The following ITGA5 variants were observed in gnomAD, a reference collection of about 807,000 sequenced individuals.
The protein encoded by ITGA5 is integrin alpha-5.
ITGA5 carries 55 observed loss-of-function variants against 146.3 expected under a neutral mutation model. That is an observed-to-expected ratio of 0.38 (90% confidence interval 0.30 to 0.47). ITGA5 has a LOEUF of 0.47. Ranked by LOEUF, ITGA5 falls within the 20% of genes least tolerant of loss-of-function variation. The pLI is 0.99. For missense variants in ITGA5, 1,131 were observed against 1,329.0 expected (o/e 0.85, Z 2.32); for synonymous variants, 500 against 531.8 (o/e 0.94, Z 0.82).
In ITGA5 at chr12:54,408,910, T is replaced by C; in HGVS notation, c.628A>G (p.Ser210Gly). Residue 210 changes from serine (S) to glycine (G), a missense_variant, in exon 5 of 30, where the codon AGT becomes GGT. By Grantham distance (56) the Ser-to-Gly change is moderately conservative (BLOSUM62 0). This residue lies in a region of ITGA5 where 67 missense variants were observed against 128.2 expected (regional missense o/e 0.52). Transcript: ENST00000293379. ...TCTCTCACCTTGGTGAACTCGGCAC[T>C]GAAGCCTCCTTGGCAGTAACCCTGT... ...AGQGYCQGGF[S>G]AEFTKTGRVV... 1 of 1,614,100 alleles carries C rather than the reference T, an allele frequency of 6.2e-7. No individual in the cohort carries two copies. The highest frequency in any genetic ancestry group is 8.5e-7 in the Non-Finnish European group (1 of 1,180,004).
At chr12:54,397,855 A>G (rs1197457480) in intron 28 of ITGA5, among the ~76,000 whole-genome samples, 1 of 152,156 alleles carries the variant, frequency 6.6e-6, no homozygotes, top group East Asian at 1.9e-4. Flanking sequence ...TGAAGTTCCT[A>G]AAATGTACAA....
chr12:54,411,832 A>G lies in ITGA5; in HGVS notation c.349+2T>C. ...GTCCCTCCCTGAATTTCACTGGCCT[A>G]CCTTTGCTGTCAAATTCAATGGGGG... On this transcript the variant is annotated splice_donor_variant, in intron 2 of 29. Transcript: ENST00000293379. LOFTEE classifies it high-confidence loss of function. 1 of 1,499,766 alleles carries G rather than the reference A, an allele frequency of 6.7e-7. No individual in the cohort carries two copies. The highest frequency in any genetic ancestry group is 8.9e-7 in the Non-Finnish European group (1 of 1,118,016). The allele number at this position is 1,499,766 out of a possible 1,614,324, so 92.9% of individuals were successfully genotyped here.
chr12:54,415,456 G>A (rs552667624), intron 1 of ITGA5, among the ~76,000 whole-genome samples: 3 of 152,274 alleles, frequency 2.0e-5, no homozygotes, highest in South Asian at 2.1e-4. Context: ...TGCTCACCTC[G>A]TCCCATGTTC....
chr12:54,409,392 A>G lies in ITGA5; in HGVS notation c.463-40T>C. On this transcript the variant is annotated intron_variant, in intron 3 of 29. Coordinates refer to ENST00000293379, the MANE Select transcript of ITGA5 (RefSeq NM_002205.5). The surrounding 1 kb of genome is among the most constrained non-coding windows in gnomAD (Gnocchi z 4.7). ...GAGGAGGGGCCTTCAGATTCAGTCC[A>G]ATAAGGCCCTTCCTCCCTCCCTCCA... 6.2e-7 allele frequency: 1 copy of G among 1,608,940 alleles called. No individual in the cohort carries two copies. Among genetic ancestry groups the G allele is most frequent in the South Asian group, 1.1e-5 (1 of 90,618 alleles).
rs1955906135 is a variant in ITGA5, at chr12:54,409,066, G to C, written c.584-112C>G. ...AGAGAACCAGAGAAAGGGCCTTCCT[G>C]GACCAGACAGTAAGCATAAAGGCTA... is the stretch of plus-strand genomic sequence containing the variant. On this transcript the variant is annotated intron_variant, in intron 4 of 29. Transcript: ENST00000293379. This position sits in a 1 kb window ranked among gnomAD's most constrained non-coding sequence, Gnocchi z 4.7. 4 of 1,401,732 alleles carry C rather than the reference G, an allele frequency of 2.9e-6. No individual in the cohort carries two copies. The East Asian group carries it at 9.2e-5, about 32-fold the overall frequency. 86.8% of individuals were successfully genotyped at this position (1,401,732 alleles called of 1,614,324 possible).
chr12:54,405,942 A>T lies in ITGA5; in HGVS notation c.907-16T>A. ...GGATGGTGACCTGGGAGATGAAGAGATAGGCCCATTGGTCCTGGACTCCCA... is the reference window on the plus strand; with the variant it reads ...GGATGGTGACCTGGGAGATGAAGAGTTAGGCCCATTGGTCCTGGACTCCCA... On this transcript the variant is annotated splice_polypyrimidine_tract_variant and intron_variant, in intron 9 of 29. Coordinates refer to ENST00000293379, the MANE Select transcript of ITGA5 (RefSeq NM_002205.5). The T allele has an allele frequency of 1.2e-6, 2 of 1,611,518 alleles. No individual in the cohort carries two copies. The highest frequency in any genetic ancestry group is 1.7e-6 in the Non-Finnish European group (2 of 1,177,658).
chr12:54,412,325 T>C (rs1955956842), intron 1 of ITGA5: 1 of 171,380 alleles, frequency 5.8e-6, no homozygotes, highest in African/African-American at 2.4e-5. Flanking sequence ...TGAGATTAGA[T>C]GTATAGCTTC....
In ITGA5 at chr12:54,396,279, G is replaced by A; in HGVS notation, c.*14C>T. The A allele has an allele frequency of 6.2e-7, 1 of 1,604,244 alleles. No individual in the cohort carries two copies. The highest frequency in any genetic ancestry group is 2.2e-5 in the East Asian group (1 of 44,834). ...ACTGGTTCTTCAGGAATGGGAGTCT[G>A]AAATTGGGAGGACTCAGGCATCAGA... On this transcript the variant is annotated 3_prime_UTR_variant, in exon 30 of 30. Coordinates refer to ENST00000293379, the MANE Select transcript of ITGA5 (RefSeq NM_002205.5).
At chr12:54,407,921 C>G in intron 7 of ITGA5, 45 bp from the exon 8 acceptor site, 3 of 1,549,022 alleles carry the variant, frequency 1.9e-6, no homozygotes, top group Non-Finnish European at 2.6e-6. Context: ...GCTTTGAGGA[C>G]CCCTCTGCTC....
chr12:54,403,531 T>C lies in ITGA5; in HGVS notation c.1776+94A>G, dbSNP rs555441805. 643 of 1,434,180 alleles carry C rather than the reference T, an allele frequency of 4.5e-4. 4 individuals are homozygous for C. The highest frequency in any genetic ancestry group is 4.4e-3 in the Middle Eastern group (23 of 5,260). The allele number at this position is 1,434,180 out of a possible 1,614,324, so 88.8% of individuals were successfully genotyped here. Reference sequence around the variant, plus strand: ...CCTACAAGAGTCCCAAGCCCTTCACTGGAGTCCCCCAGTCTTTTTCCCTTC... The same window carrying C: ...CCTACAAGAGTCCCAAGCCCTTCACCGGAGTCCCCCAGTCTTTTTCCCTTC... On this transcript the variant is annotated intron_variant, in intron 17 of 29. Coordinates refer to ENST00000293379, the MANE Select transcript of ITGA5 (RefSeq NM_002205.5). This position sits in a 1 kb window ranked among gnomAD's most constrained non-coding sequence, Gnocchi z 4.9.
rs1176562529 is a variant in ITGA5 at position 54,403,472 on chromosome 12, A to C, written c.1777-148T>G. 12 of 1,272,360 alleles carry C rather than the reference A, an allele frequency of 9.4e-6. No homozygotes were observed. The highest frequency in any genetic ancestry group is 4.5e-5 in the African/African-American group (3 of 66,880). The allele number at this position is 1,272,360 out of a possible 1,614,324, so 78.8% of individuals were successfully genotyped here. On this transcript the variant is annotated intron_variant, in intron 17 of 29. Coordinates refer to ENST00000293379, the MANE Select transcript of ITGA5 (RefSeq NM_002205.5). The surrounding 1 kb of genome is among the most constrained non-coding windows in gnomAD (Gnocchi z 4.9). Reference sequence around the variant, plus strand: ...CAGAGGCCCTGGCAGCCTGCTTCCCAGCTCCTCTGACAGAAGGTCTCCCTT... The same window carrying C: ...CAGAGGCCCTGGCAGCCTGCTTCCCCGCTCCTCTGACAGAAGGTCTCCCTT...
At chr12:54,406,173 G>C in intron 9 of ITGA5, 1 of 574,138 alleles carries the variant, frequency 1.7e-6, no homozygotes, top group Non-Finnish European at 3.1e-6. Flanking sequence ...TTATCTGTTC[G>C]TTGTCCCTCT....
At position 54,411,969 on chromosome 12, in the gene ITGA5, G is replaced by T. The variant is rs1922254; in HGVS notation, c.219-5C>A. 1,415,670 of 1,573,432 alleles carry T rather than the reference G, an allele frequency of 0.9. 637,763 individuals carry two copies. The highest frequency in any genetic ancestry group is 0.92 in the East Asian group (39,262 of 42,668). Reference sequence around the variant, plus strand: ...GCTCCCACCAGCACACTGACCCTGTGGGGGGGAAAAGCGAGGCAGTTGAGG... The same window carrying T: ...GCTCCCACCAGCACACTGACCCTGTTGGGGGGAAAAGCGAGGCAGTTGAGG... On this transcript the variant is annotated splice_polypyrimidine_tract_variant and splice_region_variant and intron_variant, in intron 1 of 29. Coordinates refer to ENST00000293379, the MANE Select transcript of ITGA5 (RefSeq NM_002205.5).
intron 9 of ITGA5, 181 bp from the exon 10 acceptor site, chr12:54,406,107 T>C: frequency 1.6e-6 from 1 of 612,810 alleles, no homozygotes; most frequent in South Asian, 1.9e-5. Context: ...TTCCACCCTA[T>C]GTCTGCTTCA....
chr12:54,406,392 A>G (rs1285142686), intron 9 of ITGA5, among the ~76,000 whole-genome samples: 5 of 152,136 alleles, frequency 3.3e-5, no homozygotes, highest in Non-Finnish European at 1.5e-5. Flanking sequence ...TTTCTCCCCT[A>G]TATTCCCTTA....
rs536805685 is a variant in ITGA5, at chr12:54,406,214, C to T, written c.907-288G>A. On this transcript the variant is annotated intron_variant, in intron 9 of 29. Coordinates refer to ENST00000293379, the MANE Select transcript of ITGA5 (RefSeq NM_002205.5). ...CACTAGAATGTAAGATCAATAGGGGCAGGAACTTGATTTTGTTCTTTGCTT... is the reference window on the plus strand; with the variant it reads ...CACTAGAATGTAAGATCAATAGGGGTAGGAACTTGATTTTGTTCTTTGCTT... 2.0e-5 allele frequency: 10 copies of T among 493,092 alleles called. No individual in the cohort carries two copies. The South Asian group carries it at 2.6e-4, about 13-fold the overall frequency. The allele number at this position is 493,092 out of a possible 1,614,324, so 30.5% of individuals were successfully genotyped here.
rs372992451 is a variant in ITGA5 at position 54,404,725 on chromosome 12, G to A, written c.1395C>T (p.Asp465=). ...CACCAGGATATCCATTGCCATCCAG[G>A]TCTCGGCCTCCTCGAAGGGCAGAGC... ...FFGSALRGGR[D]LDGNGYPDLI... is the part of the protein sequence containing the mutation. Residue 465 remains aspartate, a synonymous_variant, in exon 13 of 30, where the codon GAC becomes GAT. Coordinates refer to ENST00000293379, the MANE Select transcript of ITGA5 (RefSeq NM_002205.5). 1.2e-6 allele frequency: 2 copies of A among 1,613,916 alleles called. No individual in the cohort carries two copies. The highest frequency in any genetic ancestry group is 1.7e-6 in the Non-Finnish European group (2 of 1,180,008).
intron 2 of ITGA5, 40 bp downstream of exon 2, chr12:54,411,794 G>T: frequency 7.1e-7 from 1 of 1,418,296 alleles, no homozygotes; most frequent in South Asian, 1.5e-5. Flanking sequence ...CCAGGCTGCA[G>T]TCCCACCCCC....
intron 5 of ITGA5, 39 bp downstream of exon 5, chr12:54,408,854 A>G (rs12314853): frequency 0.016 from 25,103 of 1,612,920 alleles, 577 homozygotes; most frequent in South Asian, 0.076. Flanking sequence ...CCCCATGTCC[A>G]CCACCCACGG....
Sources: gnomAD v4.1 joint callset for allele counts (sites outside exome capture counted in the v4.1 genomes callset) on GRCh38, gnomAD v4.1.1 for gene constraint, gnomAD v4.1.1 regional missense constraint, Gnocchi (gnomAD v3.1) non-coding constraint, MANE v1.5 for transcripts, NCBI Gene and HGNC (gene_info 2026-07-23, HGNC 2026-07-21) for gene names.